NOP2: variants seen among roughly 807,000 people sequenced by gnomAD.
NOP2 encodes the protein 28S rRNA (cytosine(4447)-C(5))-methyltransferase.
A neutral mutation model predicts 72.7 loss-of-function variants in NOP2; 7 were observed. That is an observed-to-expected ratio of 0.10 (90% CI 0.05 to 0.18). The LOEUF is 0.18. Among genes scored for constraint, NOP2 ranks in the 10% least tolerant of loss-of-function variants. The pLI is 1.00. For synonymous variants in NOP2, 387 were observed against 388.0 expected (o/e 1.00, Z 0.03); for missense variants, 954 against 1,014.7 (o/e 0.94, Z 0.81).
In NOP2 at chr12:6,556,876, G is replaced by A. The variant is rs1385597455; in HGVS notation, c.*117C>T. Reference sequence around the variant, plus strand: ...CCTCAAAAATACTCAGTGGCCAGAGGTTTTAAAATGTGTATTAAATTTCAT... The same window carrying A: ...CCTCAAAAATACTCAGTGGCCAGAGATTTTAAAATGTGTATTAAATTTCAT... On this transcript the variant is annotated 3_prime_UTR_variant, in exon 16 of 16. Transcript: ENST00000322166. 5.6e-6 allele frequency: 7 copies of A among 1,253,672 alleles called. No homozygotes were observed. In the East Asian group the frequency reaches 1.8e-4, roughly 32 times the overall value. The allele number at this position is 1,253,672 out of a possible 1,614,324, so 77.7% of individuals were successfully genotyped here. A position where few individuals can be genotyped will look rare whatever the true frequency, so the allele number is the denominator to read the frequency against.
chr12:6,562,266 AG>A (rs1259156937), intron 9 of NOP2, among the ~76,000 whole-genome samples: 1 of 152,204 alleles, frequency 6.6e-6, no homozygotes. Context: ...CTGGGATTAC[AG>A]GCGTTGAGTC....
Position 6,566,220 on chromosome 12 carries a change from C to T in NOP2, c.355G>A (p.Asp119Asn), listed in dbSNP as rs1947775641. 1.2e-6 allele frequency: 2 copies of T among 1,613,898 alleles called. No homozygotes were observed. Among genetic ancestry groups the T allele is most frequent in the African/African-American group, 2.7e-5 (2 of 74,934 alleles). ...TTCACCATACCATCTTCTTCAGAGT[C>T]TTCCTCCTCCTCTTCCTCATCACTG... ...PGSDEEEEEEDSEEDGMVNHG... is the reference protein window; with the variant it reads ...PGSDEEEEEENSEEDGMVNHG... Residue 119 changes from aspartate (D) to asparagine (N), a missense_variant, in exon 5 of 16, where the codon GAC becomes AAC. This residue lies in a region of NOP2 where 498 missense variants were observed against 478.3 expected (regional missense o/e 1.04). Transcript: ENST00000322166.
intron 9 of NOP2, among the ~76,000 whole-genome samples, chr12:6,562,698 C>T (rs774334395): frequency 3.3e-5 from 5 of 152,224 alleles, no homozygotes; most frequent in Non-Finnish European, 5.9e-5. Flanking sequence ...GACTTTACAA[C>T]AGGGGTCTTT....
chr12:6,561,989 T>G lies in NOP2; in HGVS notation c.979-18A>C. ...ATTAGAGCCTGAAAAGGGATGAAGA[T>G]TTTTTTTTTTTTTTTTTGAGATGGA... On this transcript the variant is annotated intron_variant, in intron 9 of 15. Coordinates refer to ENST00000322166, the MANE Select transcript of NOP2 (RefSeq NM_001258308.2). 2 of 252,918 alleles carry G rather than the reference T, an allele frequency of 7.9e-6. No individual in the cohort carries two copies. Among genetic ancestry groups the G allele is most frequent in the Non-Finnish European group, 1.3e-5 (2 of 157,834 alleles). 15.7% of individuals were successfully genotyped at this position (252,918 alleles called of 1,614,324 possible). A position where few individuals can be genotyped will look rare whatever the true frequency, so the allele number is the denominator to read the frequency against.
At chr12:6,561,111 C>CT in intron 11 of NOP2, 41 bp from the exon 12 acceptor site, 1 of 1,607,088 alleles carries the variant, frequency 6.2e-7, no homozygotes, top group South Asian at 1.1e-5. Context: ...GCCAGTTCCA[C>CT]TGTCTCCACA....
In NOP2 at chr12:6,563,421, C is replaced by T. The variant is rs200105333; in HGVS notation, c.782G>A (p.Arg261Gln). 4,461 of 1,608,412 alleles carry T rather than the reference C, an allele frequency of 2.8e-3. 8 individuals are homozygous for T. The highest frequency in any genetic ancestry group is 3.4e-3 in the Non-Finnish European group (4,033 of 1,177,394). Residue 261 changes from arginine to glutamine, a missense_variant, in exon 8 of 16, where the codon CGG becomes CAG. Physicochemically the swap from Arg to Gln is conservative, Grantham distance 43. Coordinates refer to ENST00000322166, the MANE Select transcript of NOP2 (RefSeq NM_001258308.2). ...CCGGTTCAGGTATTCAGAACGAGACCGCCCTTCCTCCCGCTGAGCCCCAAA... is the reference window on the plus strand; with the variant it reads ...CCGGTTCAGGTATTCAGAACGAGACTGCCCTTCCTCCCGCTGAGCCCCAAA... The part of the protein sequence containing the change: ...RDFGAQREEG[R>Q]SRSEYLNRLK...
rs879835963 is a variant in NOP2, at chr12:6,560,841, T to G, written c.1348-54A>C. ...GTCTCTTCTGCAACCAGCAGGGCAA[T>G]ATTTACTAGGGTCGAGTCTAAACAT... is the stretch of plus-strand genomic sequence containing the variant. On this transcript the variant is annotated intron_variant, in intron 12 of 15. Transcript: ENST00000322166. This position sits in a 1 kb window ranked among gnomAD's most constrained non-coding sequence, Gnocchi z 5.0. The G allele has an allele frequency of 5.0e-6, 8 of 1,608,486 alleles. No homozygotes were observed. The highest frequency in any genetic ancestry group is 6.8e-6 in the Non-Finnish European group (8 of 1,177,302).
At chr12:6,564,184 G>A in intron 5 of NOP2, 6 of 1,252,608 alleles carry the variant, frequency 4.8e-6, no homozygotes, top group Non-Finnish European at 6.4e-6. Context: ...GCTGAGGCAG[G>A]AGAATTGCTT....
chr12:6,558,273 T>G (rs941130845), intron 15 of NOP2: 33 of 244,168 alleles, frequency 1.4e-4, no homozygotes, highest in African/African-American at 5.2e-4. Context: ...GGTTTTGGGG[T>G]TTTTTTTTTC....
Position 6,560,009 on chromosome 12 carries a change from T to A in NOP2, c.1789+89A>T. 1.1e-6 allele frequency: 1 copy of A among 951,874 alleles called. No homozygotes were observed. The highest frequency in any genetic ancestry group is 1.5e-5 in the South Asian group (1 of 67,020). 59.0% of individuals were successfully genotyped at this position (951,874 alleles called of 1,614,324 possible). On this transcript the variant is annotated intron_variant, in intron 15 of 15. Transcript: ENST00000322166. This position sits in a 1 kb window ranked among gnomAD's most constrained non-coding sequence, Gnocchi z 5.0. ...CTGGAGTAAGGGATGCATGAATCTT[T>A]CCTTTCCCTTCCTCTTGTCACACCA...
At chr12:6,565,213 G>A (rs568054507) in intron 5 of NOP2, among the ~76,000 whole-genome samples, 10 of 150,792 alleles carry the variant, frequency 6.6e-5, no homozygotes, top group Admixed American at 1.3e-4. Flanking sequence ...GAGTGCAGTG[G>A]TAAGATCACA....
chr12:6,567,339 C>G (rs556219768), intron 2 of NOP2, among the ~76,000 whole-genome samples: 15 of 152,296 alleles, frequency 9.8e-5, no homozygotes, highest in African/African-American at 3.6e-4. Context: ...TTATCCAATG[C>G]CCAACACAAA....
intron 1 of NOP2, 126 bp from the exon 2 acceptor site, chr12:6,568,048 C>A: frequency 1.5e-6 from 1 of 672,182 alleles, no homozygotes; most frequent in Non-Finnish European, 2.5e-6. Flanking sequence ...TCACTCAGCA[C>A]TCCCGACTCA....
At chr12:6,562,016 T>A in intron 9 of NOP2, 45 bp from the exon 10 acceptor site, 139 of 1,223,390 alleles carry the variant, frequency 1.1e-4, no homozygotes, top group Middle Eastern at 2.1e-4. Context: ...TGAGATGGAG[T>A]CTCACTCTGT....
chr12:6,566,641 G>T, intron 3 of NOP2, 24 bp from the exon 4 acceptor site: 2 of 1,611,464 alleles, frequency 1.2e-6, no homozygotes, highest in Non-Finnish European at 1.7e-6. Context: ...AGAGATTCAA[G>T]GAGTGAAGAA....
At chr12:6,558,832 ATT>A (rs1294825461) in intron 15 of NOP2, among the ~76,000 whole-genome samples, 1 of 152,088 alleles carries the variant, frequency 6.6e-6, no homozygotes, top group African/African-American at 2.4e-5. Context: ...AAGTACTGGG[ATT>A]TATAGGCATG....
chr12:6,562,639 T>TA (rs1449903493), intron 9 of NOP2, among the ~76,000 whole-genome samples: 1 of 152,204 alleles, frequency 6.6e-6, no homozygotes, highest in Non-Finnish European at 1.5e-5. Context: ...ATTACATTAT[T>TA]AGGTTTTCTT....
At position 6,566,320 on chromosome 12, in the gene NOP2, A is replaced by G; in HGVS notation, c.255T>C (p.Ala85=). 6.2e-7 allele frequency: 1 copy of G among 1,613,524 alleles called. No individual in the cohort carries two copies. The highest frequency in any genetic ancestry group is 8.5e-7 in the Non-Finnish European group (1 of 1,179,734). ...GTCCCTTCTTACCAGCTGTCTGGAC[A>G]GCTCCTGCAGAGATCCCTAAGGGTT... ...GKLPKGISAG[A]VQTAGKKGPQ... The change falls in exon 5 of 16, where the codon GCT becomes GCC. Residue 85 remains alanine, a synonymous_variant. Transcript: ENST00000322166.
chr12:6,565,159 T>TA (rs1363256914), intron 5 of NOP2, among the ~76,000 whole-genome samples: 5 of 146,974 alleles, frequency 3.4e-5, no homozygotes, highest in African/African-American at 1.3e-4. Context: ...GCAGTTATTT[T>TA]TTTTTTTTTT....
Sources: allele counts gnomAD v4.1 joint callset (sites outside exome capture counted in the v4.1 genomes callset), GRCh38; gene constraint gnomAD v4.1.1; regional missense constraint gnomAD v4.1.1; non-coding constraint Gnocchi (gnomAD v3.1); transcripts MANE v1.5; gene names NCBI Gene and HGNC (gene_info 2026-07-23, HGNC 2026-07-21).